Variants in SOX6 observed in about 807,000 individuals in gnomAD.
SOX6 encodes transcription factor SOX-6.
Under a neutral mutation model 97.8 loss-of-function variants are expected in SOX6, and 11 were observed. The observed-to-expected ratio is 0.11, with a 90% CI of 0.07 to 0.19. The LOEUF (loss-of-function observed/expected upper bound fraction) is 0.19, where lower values mean the gene tolerates loss of function less well. SOX6 is among the 10% of genes least tolerant of loss of function. The pLI is 1.00. For missense variants in SOX6, 810 were observed against 1,039.5 expected (o/e 0.78, Z 3.04); for synonymous variants, 360 against 371.4 (o/e 0.97, Z 0.35).
intron 4 of SOX6, among the ~76,000 whole-genome samples, chr11:16,563,815 T>G (rs1209385406): frequency 6.6e-6 from 1 of 152,162 alleles, no homozygotes; most frequent in East Asian, 1.9e-4. Flanking sequence ...TACATCATAT[T>G]AAACTTCTGA....
At chr11:16,455,280 T>A (rs998012900) in intron 1 of SOX6, among the ~76,000 whole-genome samples, 22 of 151,730 alleles carry the variant, frequency 1.4e-4, no homozygotes, top group Non-Finnish European at 2.6e-4. Context: ...CCACAAAAAA[T>A]TTTTTTAAAT....
intron 3 of SOX6, among the ~76,000 whole-genome samples, chr11:16,619,889 CTGT>C (rs1565195180): frequency 6.6e-6 from 1 of 152,052 alleles, no homozygotes; most frequent in Non-Finnish European, 1.5e-5. Flanking sequence ...ATGTATTTCA[CTGT>C]TAAGTTTCAA....
At chr11:16,203,728 G>A (rs1056031126) in intron 4 of SOX6, among the ~76,000 whole-genome samples, 1 of 152,038 alleles carries the variant, frequency 6.6e-6, no homozygotes, top group Non-Finnish European at 1.5e-5. Context: ...AACACTTAGA[G>A]TCAAGAAGAA....
At chr11:16,202,319 G>A (rs1227797551) in intron 4 of SOX6, among the ~76,000 whole-genome samples, 1 of 152,016 alleles carries the variant, frequency 6.6e-6, no homozygotes, top group Non-Finnish European at 1.5e-5. Context: ...TATTGTAAAG[G>A]AAGACTAGTA....
intron 4 of SOX6, among the ~76,000 whole-genome samples, chr11:16,574,645 T>G (rs910377132): frequency 6.6e-6 from 1 of 152,026 alleles, no homozygotes; most frequent in Non-Finnish European, 1.5e-5. Context: ...CATCAAAAGA[T>G]TCCATAAAGT....
chr11:16,185,575 C>T (rs1851451973), intron 5 of SOX6, among the ~76,000 whole-genome samples: 1 of 152,144 alleles, frequency 6.6e-6, no homozygotes, highest in Admixed American at 6.6e-5. Flanking sequence ...ATAGGTTGAG[C>T]TACATGCTCG....
chr11:16,146,815 A>C (rs1287644132), intron 6 of SOX6, among the ~76,000 whole-genome samples: 1 of 152,220 alleles, frequency 6.6e-6, no homozygotes, highest in Non-Finnish European at 1.5e-5. Flanking sequence ...ACCATCTCAC[A>C]CCAGTTAGAA....
At chr11:16,571,651 T>C (rs1382565487) in intron 4 of SOX6, among the ~76,000 whole-genome samples, 15 of 152,066 alleles carry the variant, frequency 9.9e-5, no homozygotes, top group Non-Finnish European at 2.1e-4. Context: ...GTTTTGTTAT[T>C]GTGGTTGTTT....
chr11:16,691,969 T>G (rs867430737), intron 3 of SOX6, among the ~76,000 whole-genome samples: 1 of 152,182 alleles, frequency 6.6e-6, no homozygotes, highest in African/African-American at 2.4e-5. Context: ...ACCTCCCTGT[T>G]TAGGTTGTCC....
At chr11:16,340,764 C>T (rs1015286992) in intron 2 of SOX6, among the ~76,000 whole-genome samples, 27 of 151,920 alleles carry the variant, frequency 1.8e-4, no homozygotes, top group African/African-American at 6.5e-4. Context: ...ACCAATCCCC[C>T]CACAAAAATC....
chr11:16,413,563 C>G (rs1858866516), intron 1 of SOX6, among the ~76,000 whole-genome samples: 1 of 145,746 alleles, frequency 6.9e-6, no homozygotes, highest in Admixed American at 6.9e-5. Context: ...TCTTGTCGCC[C>G]AGGCTGGAGT....
At chr11:16,063,296 C>T (rs1037212564) in intron 9 of SOX6, among the ~76,000 whole-genome samples, 1 of 150,926 alleles carries the variant, frequency 6.6e-6, no homozygotes, top group Non-Finnish European at 1.5e-5. Context: ...ACCAATCAGA[C>T]TCAGCCTCAT....
chr11:16,163,076 AAAAT>A (rs1207531419), intron 6 of SOX6, among the ~76,000 whole-genome samples: 1 of 152,158 alleles, frequency 6.6e-6, no homozygotes, highest in East Asian at 1.9e-4. Flanking sequence ...GGGGAAAAGA[AAAAT>A]AAAAGGATCA....
At chr11:16,697,294 T>C (rs1848060833) in intron 3 of SOX6, among the ~76,000 whole-genome samples, 1 of 152,148 alleles carries the variant, frequency 6.6e-6, no homozygotes, top group Non-Finnish European at 1.5e-5. Flanking sequence ...CTCCCATGAA[T>C]CAAAATGTTC....
chr11:16,404,580 T>C (rs1430885752), intron 1 of SOX6, among the ~76,000 whole-genome samples: 2 of 151,916 alleles, frequency 1.3e-5, no homozygotes, highest in African/African-American at 2.4e-5. Context: ...ATAAATCACA[T>C]TGTATGCCCA....
At chr11:16,388,402 G>A (rs1377707372) in intron 1 of SOX6, among the ~76,000 whole-genome samples, 1 of 152,000 alleles carries the variant, frequency 6.6e-6, no homozygotes. Context: ...TTCAGGTTTG[G>A]TGTTAGGGTT....
intron 4 of SOX6, among the ~76,000 whole-genome samples, chr11:16,233,068 C>T (rs1852907616): frequency 1.3e-5 from 2 of 152,044 alleles, no homozygotes; most frequent in Non-Finnish European, 2.9e-5. Flanking sequence ...CATGACATGC[C>T]TGAAAACTAG....
intron 4 of SOX6, among the ~76,000 whole-genome samples, chr11:16,494,442 T>C (rs541600343): frequency 6.6e-6 from 1 of 152,236 alleles, no homozygotes; most frequent in South Asian, 2.1e-4. Flanking sequence ...GATACATATA[T>C]CCTCAATATG....
chr11:16,549,224 C>CAAT (rs1465694955), intron 4 of SOX6, among the ~76,000 whole-genome samples: 3 of 152,108 alleles, frequency 2.0e-5, no homozygotes, highest in African/African-American at 7.2e-5. Context: ...AGCTGGAGTG[C>CAAT]AATGGCATGA....
Sources: allele counts gnomAD v4.1 joint callset (sites outside exome capture counted in the v4.1 genomes callset), GRCh38; gene constraint gnomAD v4.1.1; transcripts MANE v1.5; gene names NCBI Gene and HGNC (gene_info 2026-07-23, HGNC 2026-07-21).